The following ARHGAP26 variants were observed in gnomAD, a reference collection of about 807,000 sequenced individuals.
ARHGAP26 encodes Rho GTPase activating protein 26.
In ARHGAP26, 38 loss-of-function variants were observed where a neutral mutation model predicts 104.8. That is an observed-to-expected ratio of 0.36 (90% confidence interval 0.28 to 0.48). The LOEUF (loss-of-function observed/expected upper bound fraction) is 0.48, where lower values mean the gene tolerates loss of function less well. Among genes scored for constraint, ARHGAP26 ranks in the 20% least tolerant of loss-of-function variants. The probability of loss-of-function intolerance (pLI) is 0.99; values close to 1 mark genes in which losing one functional copy is unlikely to be tolerated. For synonymous variants in ARHGAP26, 341 were observed against 340.0 expected (o/e 1.00, Z -0.03); for missense variants, 704 against 947.9 (o/e 0.74, Z 3.38).
chr5:143,004,802 G>A (rs1381060833), intron 11 of ARHGAP26, among the ~76,000 whole-genome samples: 2 of 152,184 alleles, frequency 1.3e-5, no homozygotes, highest in African/African-American at 4.8e-5. Context: ...GAGCCAGAGG[G>A]TGGAGCCAAC....
At chr5:142,834,905 A>G (rs1020940496) in intron 1 of ARHGAP26, among the ~76,000 whole-genome samples, 1 of 152,226 alleles carries the variant, frequency 6.6e-6, no homozygotes, top group Non-Finnish European at 1.5e-5. Flanking sequence ...GCAATCTACC[A>G]TATCACCCAA....
At chr5:143,142,412 T>C (rs1277793142) in intron 19 of ARHGAP26, among the ~76,000 whole-genome samples, 1 of 152,010 alleles carries the variant, frequency 6.6e-6, no homozygotes, top group Non-Finnish European at 1.5e-5. Context: ...AGTGCTGGGA[T>C]TACAAGCATG....
intron 14 of ARHGAP26, among the ~76,000 whole-genome samples, chr5:143,046,562 G>A (rs1398391172): frequency 1.3e-5 from 2 of 152,184 alleles, no homozygotes; most frequent in Non-Finnish European, 2.9e-5. Flanking sequence ...AGCAACAGAA[G>A]TCATTAGTCT....
At chr5:143,198,279 T>C (rs558124258) in intron 20 of ARHGAP26, among the ~76,000 whole-genome samples, 2 of 152,254 alleles carry the variant, frequency 1.3e-5, no homozygotes, top group Admixed American at 6.5e-5. Context: ...TCTTTTGAGA[T>C]AGCAATTGTT....
intron 11 of ARHGAP26, among the ~76,000 whole-genome samples, chr5:142,971,583 C>T (rs373003372): frequency 6.6e-6 from 1 of 152,104 alleles, no homozygotes; most frequent in Admixed American, 6.5e-5. Flanking sequence ...TTTTCTGTAC[C>T]TGCTGATTTT....
At chr5:143,107,129 T>C (rs1359741716) in intron 17 of ARHGAP26, among the ~76,000 whole-genome samples, 2 of 152,120 alleles carry the variant, frequency 1.3e-5, no homozygotes, top group Non-Finnish European at 2.9e-5. Flanking sequence ...CCCAGAAGGG[T>C]GCATGGCATC....
intron 12 of ARHGAP26, among the ~76,000 whole-genome samples, chr5:143,031,796 C>G (rs1781921167): frequency 6.6e-6 from 1 of 152,116 alleles, no homozygotes; most frequent in Non-Finnish European, 1.5e-5. Flanking sequence ...TCTCGGCTTA[C>G]TGCAGTCTCT....
chr5:143,088,848 G>A (rs1370504429), intron 17 of ARHGAP26, among the ~76,000 whole-genome samples: 1 of 152,162 alleles, frequency 6.6e-6, no homozygotes, highest in Non-Finnish European at 1.5e-5. Flanking sequence ...AATTTAAAGA[G>A]AGTGACGGGG....
intron 1 of ARHGAP26, among the ~76,000 whole-genome samples, chr5:142,792,066 TTTAAAA>T (rs1444716967): frequency 1.3e-5 from 2 of 152,198 alleles, no homozygotes; most frequent in Non-Finnish European, 2.9e-5. Flanking sequence ...TTCACTTTCC[TTTAAAA>T]TTAAAAAGAA....
chr5:143,209,249 T>C (rs1306204325), intron 21 of ARHGAP26, among the ~76,000 whole-genome samples: 1 of 152,202 alleles, frequency 6.6e-6, no homozygotes, highest in Non-Finnish European at 1.5e-5. Flanking sequence ...CTGTTTCTTG[T>C]CAAGTATCTC....
chr5:142,889,418 G>A (rs771157467), intron 5 of ARHGAP26, among the ~76,000 whole-genome samples: 2 of 152,084 alleles, frequency 1.3e-5, no homozygotes, highest in Non-Finnish European at 2.9e-5. Context: ...TTTGAGACCA[G>A]CCTGGCCAAC....
At chr5:142,976,795 G>T (rs974838445) in intron 11 of ARHGAP26, among the ~76,000 whole-genome samples, 2 of 152,170 alleles carry the variant, frequency 1.3e-5, no homozygotes, top group South Asian at 4.1e-4. Context: ...GTGAACTAGA[G>T]AATTTAGATT....
chr5:143,056,316 CTTTTTTTTTTTTTT>C (rs10672936), intron 16 of ARHGAP26, among the ~76,000 whole-genome samples: 2 of 80,070 alleles, frequency 2.5e-5, no homozygotes, highest in South Asian at 1.2e-3. Flanking sequence ...CTTCAGAAGT[CTTTTTTTTTTTTTT>C]TTTTTTTTTT....
At chr5:143,014,292 C>A in intron 12 of ARHGAP26, 176 bp downstream of exon 12, 2 of 658,352 alleles carry the variant, frequency 3.0e-6, no homozygotes, top group South Asian at 1.8e-5. Context: ...TCCAGAGGGA[C>A]GGTAAGTGAG....
chr5:142,786,898 G>A (rs989038583), intron 1 of ARHGAP26, among the ~76,000 whole-genome samples: 25 of 152,072 alleles, frequency 1.6e-4, no homozygotes, highest in Non-Finnish European at 3.1e-4. Context: ...GCCCGCCTTG[G>A]CCTCCCAAAG....
chr5:143,139,980 T>C (rs1798326304), intron 19 of ARHGAP26, among the ~76,000 whole-genome samples: 1 of 152,196 alleles, frequency 6.6e-6, no homozygotes, highest in African/African-American at 2.4e-5. Context: ...ATTTATTCTG[T>C]CCCAAATTTT....
At chr5:143,200,304 C>T (rs1324823890) in intron 20 of ARHGAP26, among the ~76,000 whole-genome samples, 3 of 152,184 alleles carry the variant, frequency 2.0e-5, no homozygotes, top group Non-Finnish European at 4.4e-5. Context: ...AAACTCCTAG[C>T]CTTTGACCCA....
intron 11 of ARHGAP26, among the ~76,000 whole-genome samples, chr5:142,990,163 T>A (rs570031264): frequency 1.3e-5 from 2 of 152,304 alleles, no homozygotes; most frequent in South Asian, 4.1e-4. Flanking sequence ...CTTTTTACTC[T>A]TTTTTCTCTA....
intron 19 of ARHGAP26, among the ~76,000 whole-genome samples, chr5:143,146,288 T>A (rs1291647389): frequency 1.3e-5 from 2 of 152,218 alleles, no homozygotes; most frequent in African/African-American, 4.8e-5. Flanking sequence ...TTTTTAAAGA[T>A]GGGAAGAACA....
Sources: allele counts gnomAD v4.1 joint callset (sites outside exome capture counted in the v4.1 genomes callset), GRCh38; gene constraint gnomAD v4.1.1; transcripts MANE v1.5; gene names NCBI Gene and HGNC (gene_info 2026-07-23, HGNC 2026-07-21).